The following RUFY4 variants were observed in gnomAD, a reference collection of about 807,000 sequenced individuals.
RUFY4 encodes RUN and FYVE domain containing 4.
RUFY4 carries 73 observed loss-of-function variants against 69.0 expected under a neutral mutation model. The observed-to-expected ratio is 1.06, with a 90% CI of 0.88 to 1.29. RUFY4 has a LOEUF of 1.29. Among genes scored for constraint, RUFY4 ranks in the 50% most tolerant of loss-of-function variants. The pLI is 0.00. For missense variants in RUFY4, 770 were observed against 705.6 expected (o/e 1.09, Z -1.03); for synonymous variants, 287 against 271.8 (o/e 1.06, Z -0.55).
At chr2:218,073,181 T>A in intron 4 of RUFY4, 62 bp from the exon 7 acceptor site, 1 of 1,516,578 alleles carries the variant, frequency 6.6e-7, no homozygotes, top group Non-Finnish European at 8.8e-7. Context: ...GTGGGGGTGG[T>A]TGGGGCAGGG....
intron 7 of RUFY4, among the ~76,000 whole-genome samples, 165 bp downstream of exon 9, chr2:218,075,905 C>T (rs990444205): frequency 2.6e-5 from 4 of 152,124 alleles, no homozygotes; most frequent in African/African-American, 9.7e-5. Context: ...ATACATTCTT[C>T]AGGTCCCCAC....
At chr2:218,053,019 G>A (rs956872497) in intron 2 of RUFY4, among the ~76,000 whole-genome samples, 1 of 152,038 alleles carries the variant, frequency 6.6e-6, no homozygotes, top group African/African-American at 2.4e-5. Flanking sequence ...AAGTGCAATC[G>A]CATGATCACA....
chr2:218,064,111 A>G (rs963454338), intron 3 of RUFY4, among the ~76,000 whole-genome samples: 3 of 152,006 alleles, frequency 2.0e-5, no homozygotes, highest in African/African-American at 7.3e-5. Flanking sequence ...CTGTACTTAC[A>G]CTTTCTGGAC....
upstream of RUFY4, among the ~76,000 whole-genome samples, chr2:218,065,353 A>G (rs1289349908): frequency 6.6e-6 from 1 of 152,196 alleles, no homozygotes; most frequent in Non-Finnish European, 1.5e-5. Context: ...AGGGGCGAGG[A>G]AGGAGGAAGG....
chr2:218,087,800 G>T (rs934705822), intron 9 of RUFY4, among the ~76,000 whole-genome samples: 1 of 152,078 alleles, frequency 6.6e-6, no homozygotes, highest in Non-Finnish European at 1.5e-5. Context: ...CAGCACTCCA[G>T]CCTGGGTGAC....
At chr2:218,088,751 T>C (rs1256776466) in intron 9 of RUFY4, among the ~76,000 whole-genome samples, 1 of 152,124 alleles carries the variant, frequency 6.6e-6, no homozygotes, top group Non-Finnish European at 1.5e-5. Context: ...GTCTCTTCAT[T>C]TCTCTCCGTC....
chr2:218,035,822 G>A (rs530209362), intron 2 of RUFY4, among the ~76,000 whole-genome samples: 21 of 152,306 alleles, frequency 1.4e-4, no homozygotes, highest in Admixed American at 3.3e-4. Context: ...TTGGGGCCGC[G>A]CTTTACTTCT....
At chr2:218,083,418 A>G (rs1689815352) in intron 9 of RUFY4, among the ~76,000 whole-genome samples, 162 bp downstream of exon 11, 1 of 152,100 alleles carries the variant, frequency 6.6e-6, no homozygotes, top group South Asian at 2.1e-4. Flanking sequence ...CCCTGCTGTT[A>G]TCCCCATTTT....
At chr2:218,075,516 G>T in exon 7 of RUFY4, 1 of 1,562,122 alleles carries the variant, frequency 6.4e-7, no homozygotes. Flanking sequence ...GTGGAGTCAC[G>T]TCCAGAGGCT....
intron 3 of RUFY4, chr2:218,060,699 G>A: frequency 7.4e-7 from 1 of 1,346,448 alleles, no homozygotes; most frequent in Non-Finnish European, 1.1e-6. Flanking sequence ...GCCCCATATG[G>A]GCCTTAAACA....
intron 2 of RUFY4, among the ~76,000 whole-genome samples, chr2:218,051,031 C>A (rs1410688928): frequency 1.3e-5 from 2 of 151,994 alleles, no homozygotes; most frequent in Non-Finnish European, 2.9e-5. Context: ...TAGGTAAGTT[C>A]TTTTCATTTT....
At chr2:218,046,842 G>T (rs1688840627) in intron 2 of RUFY4, among the ~76,000 whole-genome samples, 1 of 151,960 alleles carries the variant, frequency 6.6e-6, no homozygotes. Flanking sequence ...TAATTCTTTT[G>T]ACATATTTCA....
At chr2:218,076,806 C>T (rs1026939611) in intron 8 of RUFY4, among the ~76,000 whole-genome samples, 1 of 152,198 alleles carries the variant, frequency 6.6e-6, no homozygotes, top group Admixed American at 6.5e-5. Context: ...CCACCCTCAC[C>T]CCTGCCTCCC....
chr2:218,041,089 T>C (rs1688688074), intron 2 of RUFY4, among the ~76,000 whole-genome samples: 1 of 152,036 alleles, frequency 6.6e-6, no homozygotes, highest in Non-Finnish European at 1.5e-5. Flanking sequence ...TTCCCTGGAA[T>C]TGATGATAGG....
chr2:218,046,359 C>G (rs1208867897), intron 2 of RUFY4, among the ~76,000 whole-genome samples: 1 of 151,952 alleles, frequency 6.6e-6, no homozygotes, highest in African/African-American at 2.4e-5. Flanking sequence ...CCCCCTGCCA[C>G]CTGCCCTTCC....
intron 9 of RUFY4, among the ~76,000 whole-genome samples, chr2:218,084,907 G>A (rs572948616): frequency 1.3e-5 from 2 of 152,198 alleles, no homozygotes; most frequent in African/African-American, 2.4e-5. Flanking sequence ...AATTAGCTGG[G>A]CGTGTTAGCG....
chr2:218,086,904 T>C (rs1284938393), intron 9 of RUFY4, among the ~76,000 whole-genome samples: 1 of 151,586 alleles, frequency 6.6e-6, no homozygotes, highest in African/African-American at 2.4e-5. Context: ...TGATGAAAAA[T>C]TGGGAGGAAA....
chr2:218,037,151 T>C (rs1958991169), intron 2 of RUFY4, among the ~76,000 whole-genome samples: 2 of 152,030 alleles, frequency 1.3e-5, no homozygotes, highest in Non-Finnish European at 2.9e-5. Context: ...AAACCCCATC[T>C]CTACTAAAAA....
chr2:218,075,649 CT>C lies in RUFY4; in HGVS notation c.1158del (p.Thr387ProfsTer11). 6.6e-7 allele frequency: 1 copy of C among 1,512,390 alleles called. No homozygotes were observed. The highest frequency in any genetic ancestry group is 1.4e-5 in the African/African-American group (1 of 71,678). The allele number at this position is 1,512,390 out of a possible 1,614,324, so 93.7% of individuals were successfully genotyped here. ...CAGGGACACGCAACAAAGGAAGACT[CT>C]ACCGTGGAGAATCCACAAGTGCAAA... is the stretch of plus-strand genomic sequence containing the variant. On this transcript the variant is annotated frameshift_variant, in exon 7 of 11. Coordinates refer to ENST00000344321, the Ensembl canonical transcript of RUFY4. LOFTEE classifies it high-confidence loss of function.
Sources: gnomAD v4.1 joint callset for allele counts (sites outside exome capture counted in the v4.1 genomes callset) on GRCh38, gnomAD v4.1.1 for gene constraint, MANE v1.5 for transcripts, NCBI Gene and HGNC (gene_info 2026-07-23, HGNC 2026-07-21) for gene names.